The following RBFOX1 variants were observed in gnomAD, a reference collection of about 807,000 sequenced individuals.
RBFOX1 encodes RNA binding protein fox-1 homolog 1.
In RBFOX1, 8 loss-of-function variants were observed where a neutral mutation model predicts 57.7. The ratio of observed to expected loss-of-function variants is 0.14; its 90% CI spans 0.08 to 0.25. RBFOX1 has a LOEUF of 0.25. Among genes scored for constraint, RBFOX1 ranks in the 10% least tolerant of loss-of-function variants. RBFOX1 has a pLI of 1.00. For synonymous variants in RBFOX1, 326 were observed against 222.4 expected, an observed-to-expected ratio of 1.47 and a Z score of -4.15; for missense variants, 611 against 548.5, an observed-to-expected ratio of 1.11 and a Z score of -1.14.
rs112340599 is a variant in RBFOX1 at position 7,464,836 on chromosome 16, G to A, written c.28-53311G>A. 8.8e-3 allele frequency among the ~76,000 whole-genome samples: 1,332 copies of A among 151,280 alleles called. 12 individuals are homozygous for A. The highest frequency in any genetic ancestry group is 0.014 in the Non-Finnish European group (927 of 67,766). ...CTCAGCCTCCCGAGTAGCTGGGACT[G>A]CAGGCGCCCGCCACCACGCCTGGCT... On this transcript the variant is annotated intron_variant, in intron 4 of 15. Coordinates refer to ENST00000550418, the MANE Select transcript of RBFOX1 (RefSeq NM_018723.4).
chr16:6,801,438 C>T (rs80045467), intron 3 of RBFOX1, among the ~76,000 whole-genome samples: 91 of 152,186 alleles, frequency 6.0e-4, no homozygotes, highest in African/African-American at 2.0e-3. Context: ...ATAAGCAAAA[C>T]GGGCACATGT....
intron 4 of RBFOX1, among the ~76,000 whole-genome samples, chr16:7,235,189 T>A (rs2093707097): frequency 6.6e-6 from 1 of 152,204 alleles, no homozygotes; most frequent in South Asian, 2.1e-4. Context: ...TAAAGTGCTT[T>A]AAAATGTTGA....
intron 2 of RBFOX1, among the ~76,000 whole-genome samples, chr16:6,557,140 C>A (rs1376993040): frequency 7.0e-6 from 1 of 143,448 alleles, no homozygotes; most frequent in African/African-American, 2.6e-5. Flanking sequence ...TACATATATA[C>A]ATATATACAC....
At chr16:6,312,068 G>C (rs182116056) in intron 1 of RBFOX1, among the ~76,000 whole-genome samples, 1 of 152,180 alleles carries the variant, frequency 6.6e-6, no homozygotes, top group Non-Finnish European at 1.5e-5. Flanking sequence ...TTCCCTGCCT[G>C]CAGGGTGGGT....
chr16:7,366,481 C>T (rs75248220), intron 4 of RBFOX1, among the ~76,000 whole-genome samples: 17 of 152,066 alleles, frequency 1.1e-4, no homozygotes, highest in Non-Finnish European at 2.5e-4. Context: ...AATTGATAAA[C>T]CCTCCAGGAC....
At chr16:6,398,663 A>T (rs1453172951) in intron 2 of RBFOX1, among the ~76,000 whole-genome samples, 1 of 152,222 alleles carries the variant, frequency 6.6e-6, no homozygotes, top group Non-Finnish European at 1.5e-5. Flanking sequence ...GGTCATGGTG[A>T]TGCAAGAAGT....
At chr16:7,414,710 C>T (rs889307113) in intron 4 of RBFOX1, among the ~76,000 whole-genome samples, 6 of 152,134 alleles carry the variant, frequency 3.9e-5, no homozygotes, top group African/African-American at 1.2e-4. Flanking sequence ...CTCCGCCTCC[C>T]GGGTTCAAGC....
At chr16:7,635,508 C>A (rs1031208281) in intron 11 of RBFOX1, among the ~76,000 whole-genome samples, 3 of 152,062 alleles carry the variant, frequency 2.0e-5, no homozygotes, top group South Asian at 2.1e-4. Context: ...GTGTGGACGC[C>A]CAGTATCTTT....
At chr16:7,621,437 T>A (rs1008343498) in intron 10 of RBFOX1, among the ~76,000 whole-genome samples, 2 of 152,002 alleles carry the variant, frequency 1.3e-5, no homozygotes, top group African/African-American at 4.8e-5. Flanking sequence ...ATTATTGTAT[T>A]TTTTTGTTAG....
chr16:7,470,903 G>C (rs1006177967), intron 4 of RBFOX1, among the ~76,000 whole-genome samples: 1 of 151,608 alleles, frequency 6.6e-6, no homozygotes, highest in Non-Finnish European at 1.5e-5. Flanking sequence ...AGTATAATTT[G>C]CTTTACTTTT....
intron 3 of RBFOX1, among the ~76,000 whole-genome samples, chr16:6,684,780 A>G (rs2059179217): frequency 1.3e-5 from 2 of 152,224 alleles, no homozygotes; most frequent in Admixed American, 6.5e-5. Flanking sequence ...TGAAACAGGA[A>G]AGTTTGGAGG....
chr16:6,237,419 C>T (rs913107029), intron 1 of RBFOX1, among the ~76,000 whole-genome samples: 1 of 152,102 alleles, frequency 6.6e-6, no homozygotes, highest in African/African-American at 2.4e-5. Context: ...AGAGGTAAGC[C>T]AACGTGCCTC....
At chr16:5,327,527 T>C (rs1316505857) in intron 1 of RBFOX1, among the ~76,000 whole-genome samples, 2 of 152,230 alleles carry the variant, frequency 1.3e-5, no homozygotes, top group Non-Finnish European at 2.9e-5. Flanking sequence ...TTGCAAATGT[T>C]AACTTTGCAG....
At chr16:6,932,082 G>T (rs75751466) in intron 3 of RBFOX1, among the ~76,000 whole-genome samples, 17 of 152,100 alleles carry the variant, frequency 1.1e-4, no homozygotes, top group African/African-American at 4.1e-4. Context: ...GATCATCTTG[G>T]TTTTTGTTGT....
chr16:5,578,863 TTTTTGA>T (rs2046562904), intron 2 of RBFOX1, among the ~76,000 whole-genome samples: 1 of 149,224 alleles, frequency 6.7e-6, no homozygotes, highest in African/African-American at 2.5e-5. Flanking sequence ...TTTTTTTTTT[TTTTTGA>T]GAGAGTCTCA....
intron 3 of RBFOX1, among the ~76,000 whole-genome samples, chr16:5,834,337 G>A (rs910577907): frequency 6.6e-6 from 1 of 152,150 alleles, no homozygotes; most frequent in Admixed American, 6.5e-5. Context: ...TCAGTTATAA[G>A]TGAGAACATG....
chr16:5,667,175 A>G (rs1210121246), intron 3 of RBFOX1, among the ~76,000 whole-genome samples: 5 of 152,138 alleles, frequency 3.3e-5, no homozygotes, highest in Admixed American at 6.5e-5. Context: ...TTTTGGCTTC[A>G]TTAACATTTT....
chr16:7,607,831 C>A (rs937622733), intron 10 of RBFOX1, among the ~76,000 whole-genome samples: 1 of 152,160 alleles, frequency 6.6e-6, no homozygotes, highest in Non-Finnish European at 1.5e-5. Context: ...TGTCCGTCTT[C>A]GTTCATTAAT....
intron 2 of RBFOX1, among the ~76,000 whole-genome samples, chr16:6,430,078 A>G (rs1385612196): frequency 1.3e-5 from 2 of 152,072 alleles, no homozygotes; most frequent in African/African-American, 4.8e-5. Flanking sequence ...ACTGCATTCC[A>G]GCCTGGGCAA....
Sources: gnomAD v4.1 joint callset for allele counts (sites outside exome capture counted in the v4.1 genomes callset) on GRCh38, gnomAD v4.1.1 for gene constraint, MANE v1.5 for transcripts, NCBI Gene and HGNC (gene_info 2026-07-23, HGNC 2026-07-21) for gene names.